The following FCHO2 variants were observed in gnomAD, a reference collection of about 807,000 sequenced individuals.
The protein encoded by FCHO2 is FCH and mu domain containing endocytic adaptor 2.
In FCHO2, 43 loss-of-function variants were observed where a neutral mutation model predicts 114.1. The observed-to-expected ratio is 0.38, with a 90% CI of 0.30 to 0.49. FCHO2 has a LOEUF of 0.49. Among genes scored for constraint, FCHO2 ranks in the 20% least tolerant of loss-of-function variants. The pLI is 0.97. For missense variants in FCHO2, 807 were observed against 950.4 expected, an observed-to-expected ratio of 0.85 and a Z score of 1.98; for synonymous variants, 293 against 315.2, an observed-to-expected ratio of 0.93 and a Z score of 0.75.
intron 5 of FCHO2, chr5:72,997,043 T>TA: frequency 7.4e-7 from 1 of 1,351,768 alleles, no homozygotes; most frequent in South Asian, 1.2e-5. Flanking sequence ...AACTGTTCGA[T>TA]ATGATATCAT....
At chr5:72,990,669 T>C in intron 4 of FCHO2, 43 bp from the exon 5 acceptor site, 6 of 1,535,168 alleles carry the variant, frequency 3.9e-6, no homozygotes, top group Non-Finnish European at 5.2e-6. Flanking sequence ...TATTGAATAC[T>C]TTATAGTTCA....
chr5:73,042,003 A>G (rs149711110), intron 11 of FCHO2, among the ~76,000 whole-genome samples: 2 of 152,126 alleles, frequency 1.3e-5, no homozygotes, highest in African/African-American at 4.8e-5. Context: ...TTACCTGCGT[A>G]ACTATTGTTT....
At chr5:73,016,848 G>A (rs1175218726) in intron 7 of FCHO2, among the ~76,000 whole-genome samples, 1 of 152,124 alleles carries the variant, frequency 6.6e-6, no homozygotes, top group Non-Finnish European at 1.5e-5. Context: ...AGTGAGCCGT[G>A]ACACCCAGCC....
chr5:72,984,208 A>C (rs2112652412), intron 2 of FCHO2, among the ~76,000 whole-genome samples: 1 of 152,320 alleles, frequency 6.6e-6, no homozygotes, highest in African/African-American at 2.4e-5. Flanking sequence ...GTGTTAAATC[A>C]ACTTCCCATT....
chr5:72,997,096 G>C (rs1754159981), intron 5 of FCHO2: 2 of 1,202,102 alleles, frequency 1.7e-6, no homozygotes, highest in Non-Finnish European at 2.5e-6. Context: ...TGAAGAGGAA[G>C]ATCATGGTGC....
intron 11 of FCHO2, among the ~76,000 whole-genome samples, chr5:73,047,758 A>C (rs1297025914): frequency 3.3e-5 from 5 of 152,120 alleles, no homozygotes; most frequent in Non-Finnish European, 7.4e-5. Context: ...TATAATACCT[A>C]ATACAATGTA....
At chr5:73,008,765 C>T (rs918734376) in intron 6 of FCHO2, among the ~76,000 whole-genome samples, 9 of 152,044 alleles carry the variant, frequency 5.9e-5, no homozygotes, top group Non-Finnish European at 1.0e-4. Flanking sequence ...CTTTATCCTA[C>T]GTATATTTTC....
chr5:73,036,119 T>C (rs993270809), intron 9 of FCHO2, among the ~76,000 whole-genome samples: 1 of 152,186 alleles, frequency 6.6e-6, no homozygotes, highest in East Asian at 1.9e-4. Flanking sequence ...GTGCTGGGAT[T>C]ATAGGCGAGA....
chr5:73,017,165 C>T (rs1479730022), intron 7 of FCHO2, 47 bp from the exon 8 acceptor site: 2 of 1,106,016 alleles, frequency 1.8e-6, no homozygotes, highest in East Asian at 2.8e-5. Flanking sequence ...CTGAAATACA[C>T]TAAGAATGTG....
chr5:73,067,746 A>T (rs1313427443), intron 18 of FCHO2, among the ~76,000 whole-genome samples: 1 of 151,840 alleles, frequency 6.6e-6, no homozygotes, highest in Non-Finnish European at 1.5e-5. Context: ...TTTGCCTAAT[A>T]CTTTTATAAG....
chr5:73,062,748 C>G (rs1008185295), intron 17 of FCHO2, among the ~76,000 whole-genome samples: 1 of 152,046 alleles, frequency 6.6e-6, no homozygotes, highest in Non-Finnish European at 1.5e-5. Flanking sequence ...CGTGTGACTA[C>G]CTTTTTCTTT....
At chr5:72,990,352 T>G (rs913120517) in intron 3 of FCHO2, 126 bp from the exon 4 acceptor site, 2 of 684,322 alleles carry the variant, frequency 2.9e-6, no homozygotes, top group African/African-American at 3.8e-5. Flanking sequence ...TTCATTATTT[T>G]AATTTCATCT....
At chr5:72,979,492 C>T (rs550144021) in intron 2 of FCHO2, among the ~76,000 whole-genome samples, 100 of 141,062 alleles carry the variant, frequency 7.1e-4, no homozygotes, top group Admixed American at 2.4e-3. Flanking sequence ...CCCGGGTTCA[C>T]GCCATTCTCC....
intron 1 of FCHO2, among the ~76,000 whole-genome samples, chr5:72,960,654 G>T (rs1211184872): frequency 1.3e-5 from 2 of 152,092 alleles, no homozygotes; most frequent in African/African-American, 2.4e-5. Flanking sequence ...TAATAGTCTT[G>T]AGATTATAAC....
chr5:73,049,742 C>A (rs775155326), intron 11 of FCHO2, among the ~76,000 whole-genome samples: 3 of 152,144 alleles, frequency 2.0e-5, no homozygotes, highest in Non-Finnish European at 4.4e-5. Context: ...AAACTAATTT[C>A]TGAGTTATAA....
In FCHO2 at chr5:73,082,758, C is replaced by T. The variant is rs1387079257; in HGVS notation, c.2181-3C>T. The T allele has an allele frequency of 2.5e-6, 4 of 1,601,910 alleles. No homozygotes were observed. Among genetic ancestry groups the T allele is most frequent in the Non-Finnish European group, 3.4e-6 (4 of 1,173,984 alleles). On this transcript the variant is annotated splice_polypyrimidine_tract_variant and splice_region_variant and intron_variant, in intron 23 of 25. Coordinates refer to ENST00000430046, the MANE Select transcript of FCHO2 (RefSeq NM_138782.3). ...AACCTGAAGATATCTGTTCTTATTG[C>T]AGGAATGCAGAACAAATGAAAGCCT... is the stretch of plus-strand genomic sequence containing the variant.
At chr5:72,989,201 C>CT (rs999646666) in intron 2 of FCHO2, among the ~76,000 whole-genome samples, 7 of 151,912 alleles carry the variant, frequency 4.6e-5, no homozygotes, top group Non-Finnish European at 8.8e-5. Flanking sequence ...CAGAGCAAGA[C>CT]TGTTTTAAAA....
intron 5 of FCHO2, 43 bp downstream of exon 5, chr5:72,990,907 T>G (rs1442944545): frequency 6.6e-7 from 1 of 1,506,108 alleles, no homozygotes; most frequent in Admixed American, 2.5e-5. Context: ...TCAAAGCACC[T>G]TGACATACAA....
chr5:73,078,546 A>G (rs1422533252), intron 22 of FCHO2, among the ~76,000 whole-genome samples: 1 of 152,214 alleles, frequency 6.6e-6, no homozygotes, highest in Non-Finnish European at 1.5e-5. Flanking sequence ...TTTGTCCTTA[A>G]GCTGAAAAGA....
Sources: gnomAD v4.1 joint callset for allele counts (sites outside exome capture counted in the v4.1 genomes callset) on GRCh38, gnomAD v4.1.1 for gene constraint, MANE v1.5 for transcripts, NCBI Gene and HGNC (gene_info 2026-07-23, HGNC 2026-07-21) for gene names.